NFX1: variants seen among roughly 807,000 people sequenced by gnomAD.
The protein encoded by NFX1 is transcriptional repressor NF-X1.
Under a neutral mutation model 137.2 loss-of-function variants are expected in NFX1, and 69 were observed. That is an observed-to-expected ratio of 0.50 (90% CI 0.41 to 0.61). The LOEUF is 0.61. Ranked by LOEUF, NFX1 falls within the 20% of genes least tolerant of loss-of-function variation. NFX1 has a pLI of 0.00. For synonymous variants in NFX1, 495 were observed against 474.1 expected, an observed-to-expected ratio of 1.04 and a Z score of -0.57; for missense variants, 1,167 against 1,391.0, an observed-to-expected ratio of 0.84 and a Z score of 2.56.
chr9:33,344,703 TA>T (rs1823349569), intron 14 of NFX1, among the ~76,000 whole-genome samples: 1 of 151,616 alleles, frequency 6.6e-6, no homozygotes, highest in Non-Finnish European at 1.5e-5. Flanking sequence ...CCGTCTCTAC[TA>T]AAAATACAAA....
In NFX1 at chr9:33,354,424, A is replaced by G. The variant is rs1402046240; in HGVS notation, c.2831+237A>G. 6.6e-6 allele frequency among the ~76,000 whole-genome samples: 1 copy of G among 152,242 alleles called. No homozygotes were observed. Among genetic ancestry groups the G allele is most frequent in the Non-Finnish European group, 1.5e-5 (1 of 68,034 alleles). On this transcript the variant is annotated intron_variant, in intron 18 of 23. Coordinates refer to ENST00000379540, the MANE Select transcript of NFX1 (RefSeq NM_002504.6). ...CAGTAACCGAAGGAAGCAGAGACCT[A>G]TAGGTGTTTAGCTTAACCCATATGA...
At chr9:33,332,593 A>C in intron 11 of NFX1, 91 bp downstream of exon 11, 1 of 907,918 alleles carries the variant, frequency 1.1e-6, no homozygotes, top group Non-Finnish European at 1.7e-6. Context: ...TATTTGTCAA[A>C]ATTCAGTGAA....
At chr9:33,300,985 G>A (rs1770051673) in intron 2 of NFX1, among the ~76,000 whole-genome samples, 1 of 152,194 alleles carries the variant, frequency 6.6e-6, no homozygotes. Context: ...ATGTTACAAG[G>A]GGCATTTGGC....
At position 33,307,180 on chromosome 9, in the gene NFX1, C is replaced by A. The variant is rs758495561; in HGVS notation, c.1271-14C>A. 1 of 1,606,326 alleles carries A rather than the reference C, an allele frequency of 6.2e-7. No individual in the cohort carries two copies. Among genetic ancestry groups the A allele is most frequent in the Admixed American group, 1.7e-5 (1 of 59,710 alleles). On this transcript the variant is annotated splice_polypyrimidine_tract_variant and intron_variant, in intron 4 of 23. Coordinates refer to ENST00000379540, the MANE Select transcript of NFX1 (RefSeq NM_002504.6). ...AAGTTTGTACCATTGACTCTCTGATCTGATATGTTCTAGGCAAGGTAAAGA... is the reference window on the plus strand; with the variant it reads ...AAGTTTGTACCATTGACTCTCTGATATGATATGTTCTAGGCAAGGTAAAGA...
At position 33,307,213 on chromosome 9, in the gene NFX1, G is replaced by A; in HGVS notation, c.1290G>A (p.Glu430=). The change falls in exon 5 of 24, where the codon GAG becomes GAA. Residue 430 remains glutamate (E), a synonymous_variant. Coordinates refer to ENST00000379540, the MANE Select transcript of NFX1 (RefSeq NM_002504.6). ...TTCTAGGCAAGGTAAAGAATCCTGA[G>A]TGGAGCAGAAATGAAATTCCACATA... ...TCFCGKVKNP[E]WSRNEIPHSC... 6.2e-7 allele frequency: 1 copy of A among 1,614,164 alleles called. No homozygotes were observed. The highest frequency in any genetic ancestry group is 8.5e-7 in the Non-Finnish European group (1 of 1,179,996).
intron 10 of NFX1, among the ~76,000 whole-genome samples, chr9:33,330,879 T>C (rs917005628): frequency 7.9e-5 from 12 of 152,114 alleles, no homozygotes; most frequent in Non-Finnish European, 1.5e-4. Flanking sequence ...AAAAAAACTC[T>C]TCAAAAAGCT....
chr9:33,333,874 G>A (rs1404014205), intron 11 of NFX1, among the ~76,000 whole-genome samples: 1 of 152,236 alleles, frequency 6.6e-6, no homozygotes, highest in Non-Finnish European at 1.5e-5. Context: ...TCCAAGCCTG[G>A]TGGCTCATGC....
At chr9:33,363,852 A>G (rs993688890) in intron 19 of NFX1, among the ~76,000 whole-genome samples, 158 bp from the exon 20 acceptor site, 1 of 152,084 alleles carries the variant, frequency 6.6e-6, no homozygotes, top group Non-Finnish European at 1.5e-5. Context: ...ATACCACCTC[A>G]TGTCCCAAGT....
chr9:33,313,847 T>C (rs1181635527), intron 7 of NFX1, 54 bp downstream of exon 7: 1 of 1,565,332 alleles, frequency 6.4e-7, no homozygotes, highest in East Asian at 2.3e-5. Flanking sequence ...TGGAACCTTA[T>C]TAATGATTGT....
intron 9 of NFX1, among the ~76,000 whole-genome samples, chr9:33,321,356 C>T (rs929271988): frequency 3.3e-5 from 5 of 152,238 alleles, no homozygotes; most frequent in African/African-American, 1.2e-4. Flanking sequence ...CAGAGACAAG[C>T]GTGTGGCTAG....
chr9:33,370,697 G>A lies in NFX1; in HGVS notation c.*719G>A, dbSNP rs1356974348. 1 of 152,178 alleles carries A rather than the reference G, an allele frequency of 6.6e-6. No individual in the cohort carries two copies. Among genetic ancestry groups the A allele is most frequent in the Non-Finnish European group, 1.5e-5 (1 of 68,058 alleles). The allele number at this position is 152,178 out of a possible 1,614,324, so 9.4% of individuals were successfully genotyped here. The stretch of plus-strand genomic sequence containing the variant: ...AACCTGTTCAGTAACAATCAGTTTG[G>A]CCGTCCCCCATGATGGTAGGAAATA... On this transcript the variant is annotated 3_prime_UTR_variant, in exon 24 of 24. Coordinates refer to ENST00000379540, the MANE Select transcript of NFX1 (RefSeq NM_002504.6).
At chr9:33,307,116 C>T in intron 4 of NFX1, 78 bp from the exon 5 acceptor site, 1 of 1,082,702 alleles carries the variant, frequency 9.2e-7, no homozygotes, top group Non-Finnish European at 1.4e-6. Flanking sequence ...TGCTGCCTAG[C>T]TATACTTTAC....
In NFX1 at chr9:33,295,093, C is replaced by T. The variant is rs1821305986; in HGVS notation, c.699C>T (p.Ala233=). 1 of 1,613,968 alleles carries T rather than the reference C, an allele frequency of 6.2e-7. No individual in the cohort carries two copies. The highest frequency in any genetic ancestry group is 1.1e-5 in the South Asian group (1 of 91,070). ...SRKGVLDGYG[A]RRNEQRRYPQ... ...AAGGAGTATTGGATGGGTATGGAGCCAGACGAAATGAGCAGAGAAGATACC... is the reference window on the plus strand; with the variant it reads ...AAGGAGTATTGGATGGGTATGGAGCTAGACGAAATGAGCAGAGAAGATACC... Residue 233 remains alanine (A), a synonymous_variant, in exon 2 of 24, where the codon GCC becomes GCT. Transcript: ENST00000379540.
chr9:33,362,399 G>A (rs79262904), intron 19 of NFX1, among the ~76,000 whole-genome samples: 11,153 of 151,922 alleles, frequency 0.073, 509 homozygotes, highest in Non-Finnish European at 0.11. Flanking sequence ...AAAGAAAATG[G>A]GGTATATATA....
intron 9 of NFX1, among the ~76,000 whole-genome samples, chr9:33,324,788 G>C (rs1247556571): frequency 6.6e-6 from 1 of 151,992 alleles, no homozygotes; most frequent in African/African-American, 2.4e-5. Context: ...AATTAGCCAG[G>C]TGTGGTGGCG....
intron 7 of NFX1, among the ~76,000 whole-genome samples, chr9:33,315,610 C>T (rs1822130863): frequency 6.6e-6 from 1 of 151,780 alleles, no homozygotes; most frequent in African/African-American, 2.4e-5. Context: ...TTAAAAGTGG[C>T]TAGATTGGCC....
chr9:33,308,353 G>T (rs565550191), intron 5 of NFX1, among the ~76,000 whole-genome samples: 18 of 152,196 alleles, frequency 1.2e-4, no homozygotes, highest in African/African-American at 4.3e-4. Flanking sequence ...GAGCAAGGAG[G>T]ATCATTTGAG....
At chr9:33,326,945 A>G (rs1487469414) in intron 9 of NFX1, among the ~76,000 whole-genome samples, 2 of 152,166 alleles carry the variant, frequency 1.3e-5, no homozygotes, top group Non-Finnish European at 2.9e-5. Flanking sequence ...TTCTGATAAG[A>G]TGTATATGGT....
rs753944671 is a variant in NFX1, at chr9:33,338,050, GA to G, written c.2036-449del. Reference sequence around the variant, plus strand: ...GGCAGCAGAGTGAGACCCTGTCTCAGAAAAAAAAAAAGAAAGCAAAAAGGCC... The same window carrying G: ...GGCAGCAGAGTGAGACCCTGTCTCAGAAAAAAAAAAGAAAGCAAAAAGGCC... On this transcript the variant is annotated intron_variant, in intron 11 of 23. Transcript: ENST00000379540. Among the ~76,000 whole-genome samples the G allele has an allele frequency of 6.9e-4, 91 of 131,364 alleles. 1 individual carries two copies. The highest frequency in any genetic ancestry group is 4.6e-3 in the Middle Eastern group (1 of 216). The allele number at this position is 131,364 out of a possible 152,430, so 86.2% of individuals were successfully genotyped here. A position where few individuals can be genotyped will look rare whatever the true frequency, so the allele number is the denominator to read the frequency against.
Sources: gnomAD v4.1 joint callset for allele counts (sites outside exome capture counted in the v4.1 genomes callset) on GRCh38, gnomAD v4.1.1 for gene constraint, MANE v1.5 for transcripts, NCBI Gene and HGNC (gene_info 2026-07-23, HGNC 2026-07-21) for gene names.